Variants in PITPNC1 observed in about 807,000 individuals in gnomAD.
PITPNC1 encodes cytoplasmic phosphatidylinositol transfer protein 1.
A neutral mutation model predicts 44.7 loss-of-function variants in PITPNC1; 18 were observed. The ratio of observed to expected loss-of-function variants is 0.40; its 90% confidence interval spans 0.28 to 0.60. The LOEUF (loss-of-function observed/expected upper bound fraction) is 0.60, where lower values mean the gene tolerates loss of function less well. Among genes scored for constraint, PITPNC1 ranks in the 20% least tolerant of loss-of-function variants. The pLI, the probability that PITPNC1 is intolerant of heterozygous loss-of-function variation, is 0.39. For missense variants in PITPNC1, 290 were observed against 418.4 expected (o/e 0.69, Z 2.68); for synonymous variants, 141 against 149.6 (o/e 0.94, Z 0.42).
rs2042988496 is a variant in PITPNC1, at chr17:67,695,088, T to TA, written c.*2202dup. ...CTATATGCTTTAGGAAGCTAAGTTC[T>TA]AATTTCCTTTTGTGAGTTTCATTTC... is the stretch of plus-strand genomic sequence containing the variant. On this transcript the variant is annotated 3_prime_UTR_variant, in exon 9 of 9. Transcript: ENST00000581322. 3 of 152,378 alleles carry TA rather than the reference T, an allele frequency of 2.0e-5. No individual in the cohort carries two copies. In the East Asian group the frequency reaches 5.8e-4, roughly 29 times the overall value. The allele number at this position is 152,378 out of a possible 1,614,324, so 9.4% of individuals were successfully genotyped here. A position where few individuals can be genotyped will look rare whatever the true frequency, so the allele number is the denominator to read the frequency against.
intron 1 of PITPNC1, among the ~76,000 whole-genome samples, chr17:67,518,802 G>T (rs1343726901): frequency 6.6e-6 from 1 of 152,122 alleles, no homozygotes; most frequent in Non-Finnish European, 1.5e-5. Context: ...AATTACCCAG[G>T]CATAGTGCCG....
chr17:67,566,072 C>T (rs1249281302), intron 4 of PITPNC1, among the ~76,000 whole-genome samples: 2 of 152,020 alleles, frequency 1.3e-5, no homozygotes, highest in Non-Finnish European at 2.9e-5. Flanking sequence ...CTTAACCAGC[C>T]TTCTACTGGT....
chr17:67,495,052 GTT>G lies in PITPNC1; in HGVS notation c.49-37729_49-37728del, dbSNP rs1243868487. Among the ~76,000 whole-genome samples, 4 of 38,566 alleles carry G rather than the reference GTT, an allele frequency of 1.0e-4. No homozygotes were observed. The South Asian group carries it at 4.1e-3, about 39-fold the overall frequency. The allele number at this position is 38,566 out of a possible 152,430, so 25.3% of individuals were successfully genotyped here. A position where few individuals can be genotyped will look rare whatever the true frequency, so the allele number is the denominator to read the frequency against. ...GAGCCATGGAGTTGTTTTTTTTTTT[GTT>G]TTTTTTTTTTTTTTTTTTTTGAGAC... On this transcript the variant is annotated intron_variant, in intron 1 of 8. Coordinates refer to ENST00000581322, the MANE Select transcript of PITPNC1 (RefSeq NM_012417.4).
intron 1 of PITPNC1, among the ~76,000 whole-genome samples, chr17:67,436,309 T>A (rs1598660117): frequency 6.6e-6 from 1 of 151,716 alleles, no homozygotes; most frequent in South Asian, 2.1e-4. Flanking sequence ...TGGCTGGGGG[T>A]GCTATTTTAA....
At chr17:67,560,523 G>C (rs1259917953) in intron 4 of PITPNC1, among the ~76,000 whole-genome samples, 1 of 152,202 alleles carries the variant, frequency 6.6e-6, no homozygotes, top group African/African-American at 2.4e-5. Context: ...GTGGGTTTGT[G>C]CATTTGGATT....
At chr17:67,415,091 G>T (rs1003492017) in intron 1 of PITPNC1, among the ~76,000 whole-genome samples, 4 of 152,040 alleles carry the variant, frequency 2.6e-5, no homozygotes, top group Non-Finnish European at 5.9e-5. Flanking sequence ...TGTTCACCAG[G>T]CTGGTCTCGA....
chr17:67,541,202 C>G (rs1056565244), intron 2 of PITPNC1, among the ~76,000 whole-genome samples: 1 of 151,936 alleles, frequency 6.6e-6, no homozygotes, highest in African/African-American at 2.4e-5. Flanking sequence ...GTGACGGAGT[C>G]AGACTCCATC....
chr17:67,598,037 C>T (rs997516846), intron 5 of PITPNC1, among the ~76,000 whole-genome samples: 4 of 152,244 alleles, frequency 2.6e-5, no homozygotes, highest in East Asian at 1.9e-4. Flanking sequence ...TCCTGGCCAA[C>T]GTGGTGAAAC....
rs1412705246 is a variant in PITPNC1, at chr17:67,425,486, C to T, written c.48+47284C>T. The stretch of plus-strand genomic sequence containing the variant: ...CTCCCTTCCCCTCCCTCCCTCCCTC[C>T]TTCCTTCCTTCTCTCTCATTCGCTA... On this transcript the variant is annotated intron_variant, in intron 1 of 8. Transcript: ENST00000581322. Among the ~76,000 whole-genome samples, 4 of 144,706 alleles carry T rather than the reference C, an allele frequency of 2.8e-5. No homozygotes were observed. The East Asian group carries it at 8.1e-4, about 29-fold the overall frequency. 94.9% of individuals were successfully genotyped at this position (144,706 alleles called of 152,430 possible). A position where few individuals can be genotyped will look rare whatever the true frequency, so the allele number is the denominator to read the frequency against.
At chr17:67,658,100 C>T (rs72839425) in intron 6 of PITPNC1, among the ~76,000 whole-genome samples, 3 of 152,286 alleles carry the variant, frequency 2.0e-5, no homozygotes, top group Non-Finnish European at 4.4e-5. Flanking sequence ...CTGTGCAGGA[C>T]CTGAAGGGCA....
At chr17:67,603,162 C>CT (rs2041563873) in intron 5 of PITPNC1, among the ~76,000 whole-genome samples, 1 of 152,184 alleles carries the variant, frequency 6.6e-6, no homozygotes, top group Non-Finnish European at 1.5e-5. Flanking sequence ...CACTTGCTGA[C>CT]TTGAGTGATT....
At chr17:67,401,088 C>T (rs2038302569) in intron 1 of PITPNC1, among the ~76,000 whole-genome samples, 1 of 152,076 alleles carries the variant, frequency 6.6e-6, no homozygotes, top group Non-Finnish European at 1.5e-5. Flanking sequence ...GCATGCACCA[C>T]CACACCCAGC....
intron 7 of PITPNC1, among the ~76,000 whole-genome samples, chr17:67,673,441 T>C (rs1161495309): frequency 1.3e-5 from 2 of 152,174 alleles, no homozygotes; most frequent in African/African-American, 4.8e-5. Context: ...CTATTTTCCT[T>C]AGCCTTCTAT....
chr17:67,670,073 C>CA (rs913812063), intron 7 of PITPNC1, among the ~76,000 whole-genome samples: 1 of 150,968 alleles, frequency 6.6e-6, no homozygotes, highest in Non-Finnish European at 1.5e-5. Flanking sequence ...AACTCTGTCT[C>CA]AAAAAATAAG....
chr17:67,635,038 G>A (rs936990608), intron 6 of PITPNC1, among the ~76,000 whole-genome samples: 4 of 152,124 alleles, frequency 2.6e-5, no homozygotes, highest in Admixed American at 2.0e-4. Context: ...AGCCGAGATG[G>A]CACCACTGCA....
chr17:67,379,674 A>G (rs1040468873), intron 1 of PITPNC1, among the ~76,000 whole-genome samples: 2 of 152,162 alleles, frequency 1.3e-5, no homozygotes, highest in East Asian at 1.9e-4. Flanking sequence ...GGGACTGGTT[A>G]ATAGGAGTCT....
chr17:67,392,467 C>T (rs570300950), intron 1 of PITPNC1, among the ~76,000 whole-genome samples: 3 of 152,152 alleles, frequency 2.0e-5, no homozygotes, highest in Non-Finnish European at 2.9e-5. Flanking sequence ...TGGTCTCAAA[C>T]TCCCGAGCTC....
intron 1 of PITPNC1, among the ~76,000 whole-genome samples, chr17:67,432,851 TTTA>T (rs1228450927): frequency 1.3e-5 from 2 of 152,198 alleles, no homozygotes; most frequent in Admixed American, 6.5e-5. Flanking sequence ...CTTACCACTG[TTTA>T]TTGAGTGATT....
intron 1 of PITPNC1, among the ~76,000 whole-genome samples, chr17:67,485,818 C>T (rs1254517084): frequency 6.6e-6 from 1 of 152,116 alleles, no homozygotes; most frequent in East Asian, 1.9e-4. Flanking sequence ...AGCTATCACG[C>T]TGTATGAGCC....
Sources: gnomAD v4.1 joint callset for allele counts (sites outside exome capture counted in the v4.1 genomes callset) on GRCh38, gnomAD v4.1.1 for gene constraint, MANE v1.5 for transcripts, NCBI Gene and HGNC (gene_info 2026-07-23, HGNC 2026-07-21) for gene names.